The following SLC4A4 variants were observed in gnomAD, a reference collection of about 807,000 sequenced individuals.
SLC4A4 encodes electrogenic sodium bicarbonate cotransporter 1.
A neutral mutation model predicts 111.5 loss-of-function variants in SLC4A4; 27 were observed. The ratio of observed to expected loss-of-function variants is 0.24; its 90% confidence interval spans 0.18 to 0.33. SLC4A4 has a LOEUF of 0.33. SLC4A4 is among the 10% of genes least tolerant of loss of function. The pLI, the probability that SLC4A4 is intolerant of heterozygous loss-of-function variation, is 1.00. For synonymous variants in SLC4A4, 443 were observed against 463.4 expected (o/e 0.96, Z 0.57); for missense variants, 909 against 1,315.5 (o/e 0.69, Z 4.78).
In SLC4A4 at chr4:71,460,353, A is replaced by T. The variant is rs116849163; in HGVS notation, c.1498-6091A>T. Among the ~76,000 whole-genome samples, 5 of 152,238 alleles carry T rather than the reference A, an allele frequency of 3.3e-5. No individual in the cohort carries two copies. The East Asian group carries it at 9.7e-4, about 29-fold the overall frequency. On this transcript the variant is annotated intron_variant, in intron 12 of 25. Transcript: ENST00000264485. ...ACTGGCCTAATGTTTCCGATGATCC[A>T]GATACGTATTCACAGCTCTTCAAAC...
rs1364807819 is a variant in SLC4A4 at position 71,168,884 on chromosome 4, T to TG, written c.-1-67690dup. ...GGGCACTTAGGTTGCTTCCAAATCT[T>TG]GGCTATTATGACCACTGCTGCAATA... On this transcript the variant is annotated intron_variant, in intron 2 of 26. Coordinates refer to the SLC4A4 transcript ENST00000649996. Among the ~76,000 whole-genome samples the TG allele has an allele frequency of 7.2e-5, 11 of 152,328 alleles. No homozygotes were observed. In the East Asian group the frequency reaches 2.1e-3, roughly 29 times the overall value.
chr4:71,117,231 T>C (rs1743293836), intron 2 of SLC4A4, among the ~76,000 whole-genome samples: 1 of 152,164 alleles, frequency 6.6e-6, no homozygotes, highest in African/African-American at 2.4e-5. Flanking sequence ...TCCTCTTGCC[T>C]TGGCCTCCTA....
In SLC4A4 at chr4:71,486,983, C is replaced by A. The variant is rs1436083603; in HGVS notation, c.1939C>A (p.Pro647Thr). The A allele has an allele frequency of 6.2e-7, 1 of 1,602,934 alleles. No homozygotes were observed. Among genetic ancestry groups the A allele is most frequent in the Admixed American group, 1.7e-5 (1 of 59,652 alleles). The change falls in exon 15 of 26, where the codon CCA becomes ACA. Residue 647 changes from proline (P) to threonine (T), a missense_variant. This residue lies in a region of SLC4A4 where 264 missense variants were observed against 356.8 expected (regional missense o/e 0.74). Transcript: ENST00000264485. ...AATATCTAATGACACCACACTGGCCCCAGAGTATTTGCCAACTATGTCTTC... is the reference window on the plus strand; with the variant it reads ...AATATCTAATGACACCACACTGGCCACAGAGTATTTGCCAACTATGTCTTC... The part of the protein sequence containing the change: ...ISISNDTTLA[P>T]EYLPTMSSTD...
chr4:71,369,195 G>A (rs757471378), intron 6 of SLC4A4, among the ~76,000 whole-genome samples: 1 of 152,138 alleles, frequency 6.6e-6, no homozygotes, highest in Non-Finnish European at 1.5e-5. Context: ...GAGAGGGAGG[G>A]CAGGAAGATC....
At chr4:71,218,147 T>C (rs1718542270) in intron 1 of SLC4A4, among the ~76,000 whole-genome samples, 2 of 152,254 alleles carry the variant, frequency 1.3e-5, no homozygotes, top group South Asian at 2.1e-4. Context: ...GTCATGATAC[T>C]GAACAGCTCT....
chr4:71,208,111 TCTC>T (rs1352390002), intron 1 of SLC4A4, among the ~76,000 whole-genome samples: 9 of 152,060 alleles, frequency 5.9e-5, no homozygotes, highest in African/African-American at 1.9e-4. Flanking sequence ...GCCTGGCTGC[TCTC>T]CTCCTTTGAC....
At chr4:71,562,034 T>G (rs967849240) in intron 23 of SLC4A4, among the ~76,000 whole-genome samples, 1 of 151,768 alleles carries the variant, frequency 6.6e-6, no homozygotes, top group Non-Finnish European at 1.5e-5. Context: ...AAAAGTTGGA[T>G]CAAAAGAACT....
At chr4:71,279,818 T>C (rs891853526) in intron 3 of SLC4A4, among the ~76,000 whole-genome samples, 1 of 152,098 alleles carries the variant, frequency 6.6e-6, no homozygotes, top group East Asian at 1.9e-4. Context: ...TTTTTTGAGA[T>C]GGAATCTTGC....
intron 2 of SLC4A4, among the ~76,000 whole-genome samples, chr4:71,116,878 G>A (rs1205020178): frequency 6.6e-6 from 1 of 151,962 alleles, no homozygotes; most frequent in East Asian, 1.9e-4. Context: ...GGGAGGCGGA[G>A]GTTGCGGTGA....
chr4:71,315,561 G>A (rs1218596335), intron 3 of SLC4A4, among the ~76,000 whole-genome samples: 1 of 152,018 alleles, frequency 6.6e-6, no homozygotes, highest in Non-Finnish European at 1.5e-5. Context: ...TTTTCAGACT[G>A]GGCTCTAAGT....
At chr4:71,080,544 A>G (rs550055733) in intron 1 of SLC4A4, among the ~76,000 whole-genome samples, 1 of 152,254 alleles carries the variant, frequency 6.6e-6, no homozygotes, top group South Asian at 2.1e-4. Flanking sequence ...GACAATTTTC[A>G]GCATCACATC....
chr4:71,085,090 T>C (rs367961205), intron 1 of SLC4A4, among the ~76,000 whole-genome samples: 5 of 152,194 alleles, frequency 3.3e-5, no homozygotes, highest in South Asian at 2.1e-4. Context: ...TTTTAATGAT[T>C]GCCATTCTAA....
chr4:71,125,385 C>A (rs1415435271), intron 2 of SLC4A4, among the ~76,000 whole-genome samples: 1 of 152,112 alleles, frequency 6.6e-6, no homozygotes, highest in Non-Finnish European at 1.5e-5. Flanking sequence ...CCAGCCTGGC[C>A]AACATGGCAA....
At chr4:71,490,680 CTT>C (rs1729818611) in intron 15 of SLC4A4, among the ~76,000 whole-genome samples, 1 of 151,916 alleles carries the variant, frequency 6.6e-6, no homozygotes, top group Non-Finnish European at 1.5e-5. Context: ...AGGGGGAACT[CTT>C]TTAGCTTTCC....
At chr4:71,286,495 C>A (rs1396552441) in intron 3 of SLC4A4, among the ~76,000 whole-genome samples, 3 of 152,190 alleles carry the variant, frequency 2.0e-5, no homozygotes, top group African/African-American at 7.2e-5. Flanking sequence ...TGTGTCTCTT[C>A]TTGGGCTGTG....
At chr4:71,514,141 C>T (rs35838662) in intron 16 of SLC4A4, among the ~76,000 whole-genome samples, 15,520 of 152,060 alleles carry the variant, frequency 0.1, 1,422 homozygotes, top group East Asian at 0.43. Context: ...TGATATTAGC[C>T]TCATAGAAAG....
intron 2 of SLC4A4, among the ~76,000 whole-genome samples, chr4:71,242,168 G>A (rs1037220140): frequency 1.1e-4 from 16 of 152,188 alleles, no homozygotes; most frequent in Non-Finnish European, 1.5e-5. Flanking sequence ...CCTATCCTAG[G>A]TGTTGGTGTT....
chr4:71,399,388 T>C (rs1273872538), intron 7 of SLC4A4, among the ~76,000 whole-genome samples: 1 of 152,078 alleles, frequency 6.6e-6, no homozygotes, highest in Non-Finnish European at 1.5e-5. Flanking sequence ...TGGTGAATTC[T>C]AGAAAGTACG....
At chr4:71,288,739 G>A (rs975897033) in intron 3 of SLC4A4, among the ~76,000 whole-genome samples, 17 of 152,018 alleles carry the variant, frequency 1.1e-4, no homozygotes, top group African/African-American at 4.1e-4. Context: ...GGTGTTGTGA[G>A]CCATCAGGCC....
Sources: gnomAD v4.1 joint callset for allele counts (sites outside exome capture counted in the v4.1 genomes callset) on GRCh38, gnomAD v4.1.1 for gene constraint, gnomAD v4.1.1 regional missense constraint, MANE v1.5 for transcripts, NCBI Gene and HGNC (gene_info 2026-07-23, HGNC 2026-07-21) for gene names.